The following IQSEC3 variants were observed in gnomAD, a reference collection of about 807,000 sequenced individuals.
The protein encoded by IQSEC3 is IQ motif and SEC7 domain-containing protein 3.
Under a neutral mutation model 105.4 loss-of-function variants are expected in IQSEC3, and 50 were observed. The observed-to-expected ratio is 0.47, with a 90% confidence interval of 0.38 to 0.60. IQSEC3 has a LOEUF of 0.60. IQSEC3 is among the 20% of genes least tolerant of loss of function. The pLI, the probability that IQSEC3 is intolerant of heterozygous loss-of-function variation, is 0.00. For synonymous variants in IQSEC3, 708 were observed against 746.0 expected (o/e 0.95, Z 0.83); for missense variants, 1,415 against 1,630.0 (o/e 0.87, Z 2.27).
intron 1 of IQSEC3, among the ~76,000 whole-genome samples, chr12:87,775 G>A (rs1555072414): frequency 1.3e-5 from 2 of 152,168 alleles, no homozygotes; most frequent in Non-Finnish European, 1.5e-5. Flanking sequence ...GGGCTTGGAG[G>A]GAAGGCAAAC....
At position 163,745 on chromosome 12, in the gene IQSEC3, C is replaced by G. The variant is rs1036593834; in HGVS notation, c.2709+126C>G. 5 of 731,244 alleles carry G rather than the reference C, an allele frequency of 6.8e-6. No homozygotes were observed. The African/African-American group carries it at 8.8e-5, about 13-fold the overall frequency. 45.3% of individuals were successfully genotyped at this position (731,244 alleles called of 1,614,324 possible). A position where few individuals can be genotyped will look rare whatever the true frequency, so the allele number is the denominator to read the frequency against. ...GAGCTTTCAGACAGAATGCCTGTTC[C>G]GTGGGACGGATCTGCCTTCATGGTG... On this transcript the variant is annotated intron_variant, in intron 9 of 13. Transcript: ENST00000538872.
At chr12:172,666 T>C (rs1939069602) in intron 13 of IQSEC3, among the ~76,000 whole-genome samples, 1 of 152,222 alleles carries the variant, frequency 6.6e-6, no homozygotes, top group South Asian at 2.1e-4. Context: ...TGGCAGGTGC[T>C]TCTCCATCTT....
At chr12:163,469 C>T (rs782649583) in intron 8 of IQSEC3, 25 bp from the exon 9 acceptor site, 12 of 1,585,622 alleles carry the variant, frequency 7.6e-6, no homozygotes, top group Admixed American at 1.7e-5. Flanking sequence ...TGGTCTCTCC[C>T]GCTGAGCGCC....
intron 3 of IQSEC3, among the ~76,000 whole-genome samples, chr12:132,790 G>A (rs1865643238): frequency 6.6e-6 from 1 of 152,172 alleles, no homozygotes; most frequent in Non-Finnish European, 1.5e-5. Flanking sequence ...ACAGGCTGCT[G>A]GAAATGTGGG....
intron 5 of IQSEC3, among the ~76,000 whole-genome samples, chr12:151,477 C>T (rs1866507193): frequency 6.6e-6 from 1 of 152,188 alleles, no homozygotes; most frequent in African/African-American, 2.4e-5. Flanking sequence ...TGCCTTAGCC[C>T]AAGCCCCATT....
At chr12:88,129 A>T (rs967402071) in intron 1 of IQSEC3, among the ~76,000 whole-genome samples, 4 of 152,222 alleles carry the variant, frequency 2.6e-5, no homozygotes, top group Non-Finnish European at 5.9e-5. Flanking sequence ...TAAAAAAGGA[A>T]ACTTATTTTT....
At chr12:76,415 T>C (rs1192118063) in intron 1 of IQSEC3, among the ~76,000 whole-genome samples, 1 of 152,254 alleles carries the variant, frequency 6.6e-6, no homozygotes, top group Non-Finnish European at 1.5e-5. Context: ...TGACTTGGGC[T>C]GGGGGAGTTG....
intron 5 of IQSEC3, among the ~76,000 whole-genome samples, chr12:155,891 G>T (rs1242690789): frequency 6.6e-6 from 1 of 152,096 alleles, no homozygotes; most frequent in East Asian, 1.9e-4. Context: ...GTGGGCAAAC[G>T]TCAGCTCCAA....
At chr12:171,715 CG>C (rs1300311350) in intron 13 of IQSEC3, among the ~76,000 whole-genome samples, 4 of 152,116 alleles carry the variant, frequency 2.6e-5, no homozygotes, top group African/African-American at 9.7e-5. Flanking sequence ...AACTCCTCCC[CG>C]GAACAACTGG....
intron 11 of IQSEC3, 124 bp downstream of exon 11, chr12:166,014 G>A: frequency 9.4e-7 from 1 of 1,067,666 alleles, no homozygotes; most frequent in Non-Finnish European, 1.3e-6. Flanking sequence ...CCCGTGTCCA[G>A]GCCCCACCGC....
intron 2 of IQSEC3, among the ~76,000 whole-genome samples, chr12:104,954 C>T (rs1295311417): frequency 2.0e-5 from 3 of 152,290 alleles, no homozygotes; most frequent in African/African-American, 7.2e-5. Flanking sequence ...TGGGGCGCCG[C>T]GGCCTCACGT....
At chr12:110,114 A>G (rs528068117) in intron 2 of IQSEC3, among the ~76,000 whole-genome samples, 198 of 152,152 alleles carry the variant, frequency 1.3e-3, no homozygotes, top group Non-Finnish European at 2.1e-3. Flanking sequence ...CTGGCCCTCT[A>G]TGTTTGCCAT....
At chr12:137,109 A>G (rs1865796079) in intron 3 of IQSEC3, among the ~76,000 whole-genome samples, 1 of 151,348 alleles carries the variant, frequency 6.6e-6, no homozygotes, top group South Asian at 2.1e-4. Context: ...AAATTGGGGA[A>G]CTCTTGGTAA....
Position 125,931 on chromosome 12 carries a change from GGGGGC to G in IQSEC3, c.903+24_903+28del, listed in dbSNP as rs1350904999. The G allele has an allele frequency of 1.4e-5, 22 of 1,528,472 alleles. No individual in the cohort carries two copies. The Admixed American group carries it at 2.8e-4, about 19-fold the overall frequency. 94.7% of individuals were successfully genotyped at this position (1,528,472 alleles called of 1,614,324 possible). ...TAAACAGGTACCCAGGGCCTCCTAG[GGGGGC>G]GGGGAGGGTGGTGAAGGGGCCCTGC... On this transcript the variant is annotated intron_variant, in intron 3 of 13. Transcript: ENST00000538872.
chr12:130,968 C>T (rs375578945), intron 3 of IQSEC3, among the ~76,000 whole-genome samples: 4 of 149,870 alleles, frequency 2.7e-5, no homozygotes, highest in Admixed American at 1.3e-4. Context: ...CCTTGGAAGC[C>T]CCCCACACCT....
At chr12:126,555 G>GTGTGTA (rs1565415326) in intron 3 of IQSEC3, among the ~76,000 whole-genome samples, 1 of 151,726 alleles carries the variant, frequency 6.6e-6, no homozygotes, top group Non-Finnish European at 1.5e-5. Flanking sequence ...GTGTGTGTGT[G>GTGTGTA]TGTGTGTGTG....
intron 1 of IQSEC3, among the ~76,000 whole-genome samples, chr12:74,188 G>C (rs1243094716): frequency 6.6e-6 from 1 of 152,230 alleles, no homozygotes; most frequent in African/African-American, 2.4e-5. Context: ...GAATGAGGCT[G>C]AATCAATTTC....
At chr12:78,440 C>T (rs1397530836) in intron 1 of IQSEC3, among the ~76,000 whole-genome samples, 3 of 151,788 alleles carry the variant, frequency 2.0e-5, no homozygotes, top group African/African-American at 7.3e-5. Context: ...AGGACGGTGA[C>T]ACCGAGGTAC....
intron 2 of IQSEC3, among the ~76,000 whole-genome samples, chr12:118,101 A>G (rs1865107104): frequency 1.3e-5 from 2 of 152,322 alleles, no homozygotes; most frequent in Admixed American, 6.5e-5. Flanking sequence ...TACAGAGCCC[A>G]GAGAGGGGAA....
Sources: allele counts gnomAD v4.1 joint callset (sites outside exome capture counted in the v4.1 genomes callset), GRCh38; gene constraint gnomAD v4.1.1; transcripts MANE v1.5; gene names NCBI Gene and HGNC (gene_info 2026-07-23, HGNC 2026-07-21).